The following ZNF695 variants were observed in gnomAD, a reference collection of about 807,000 sequenced individuals.
ZNF695 encodes the protein zinc finger protein SBZF3.
Under a neutral mutation model 11.2 loss-of-function variants are expected in ZNF695, and 11 were observed. That is an observed-to-expected ratio of 0.98 (90% confidence interval 0.62 to 1.62). The LOEUF (loss-of-function observed/expected upper bound fraction) is 1.62. Ranked by LOEUF, ZNF695 falls within the 40% of genes most tolerant of loss-of-function variation. The pLI, the probability that ZNF695 is intolerant of heterozygous loss-of-function variation, is 0.00. For synonymous variants in ZNF695, 190 were observed against 201.4 expected (o/e 0.94, Z 0.48); for missense variants, 559 against 590.5 (o/e 0.95, Z 0.55).
At chr1:247,000,779 T>C (rs970411675) in intron 1 of ZNF695, among the ~76,000 whole-genome samples, 4 of 152,212 alleles carry the variant, frequency 2.6e-5, no homozygotes, top group Non-Finnish European at 5.9e-5. Flanking sequence ...AGGAATCTTG[T>C]TAAAATGCAG....
intron 5 of ZNF695, among the ~76,000 whole-genome samples, chr1:246,957,680 G>T (rs1668035458): frequency 6.6e-6 from 1 of 152,006 alleles, no homozygotes; most frequent in South Asian, 2.1e-4. Flanking sequence ...AGCTTGCCCA[G>T]GCTGGAGTGC....
At position 246,985,900 on chromosome 1, in the gene ZNF695, A is replaced by G. The variant is rs1668833916; in HGVS notation, c.*1067T>C. 1 of 985,330 alleles carries G rather than the reference A, an allele frequency of 1.0e-6. No homozygotes were observed. The highest frequency in any genetic ancestry group is 1.2e-6 in the Non-Finnish European group (1 of 829,946). 61.0% of individuals were successfully genotyped at this position (985,330 alleles called of 1,614,324 possible). A position where few individuals can be genotyped will look rare whatever the true frequency, so the allele number is the denominator to read the frequency against. On this transcript the variant is annotated 3_prime_UTR_variant, in exon 4 of 4. Coordinates refer to ENST00000339986, the MANE Select transcript of ZNF695 (RefSeq NM_020394.5). Reference sequence around the variant, plus strand: ...GGATATGAACAACACCCACCCGAATATAGAAGAAACTCTCACAGCTTTCAT... The same window carrying G: ...GGATATGAACAACACCCACCCGAATGTAGAAGAAACTCTCACAGCTTTCAT...
chr1:247,003,328 G>A (rs1412404187), intron 1 of ZNF695, among the ~76,000 whole-genome samples: 2 of 152,154 alleles, frequency 1.3e-5, no homozygotes, highest in Non-Finnish European at 2.9e-5. Context: ...AATGCTGCTG[G>A]ATAATTTAAT....
At chr1:246,991,258 A>C (rs76918123) in intron 3 of ZNF695, among the ~76,000 whole-genome samples, 1,904 of 151,224 alleles carry the variant, frequency 0.013, 40 homozygotes, top group African/African-American at 0.044. Flanking sequence ...ACAGACAACC[A>C]AAAAAAAATG....
At chr1:246,971,495 G>T (rs1276683473) in intron 4 of ZNF695, among the ~76,000 whole-genome samples, 2 of 152,088 alleles carry the variant, frequency 1.3e-5, no homozygotes, top group African/African-American at 2.4e-5. Flanking sequence ...TTCCTGGTCT[G>T]CTAAGTAACG....
At position 246,993,391 on chromosome 1, in the gene ZNF695, A is replaced by G. The variant is rs192514381; in HGVS notation, c.260-5136T>C. ...CACTGAACTCCAGCCTGGGAGACAG[A>G]GTGAGAGACTCTGTCTCAAAAAACA... is the stretch of plus-strand genomic sequence containing the variant. On this transcript the variant is annotated intron_variant, in intron 3 of 3. Coordinates refer to ENST00000339986, the MANE Select transcript of ZNF695 (RefSeq NM_020394.5). Among the ~76,000 whole-genome samples the G allele has an allele frequency of 1.5e-3, 230 of 152,232 alleles. 1 individual carries two copies. The highest frequency in any genetic ancestry group is 5.4e-3 in the African/African-American group (223 of 41,540).
downstream of ZNF695, among the ~76,000 whole-genome samples, chr1:246,982,917 T>C (rs1235335926): frequency 6.6e-6 from 1 of 152,072 alleles, no homozygotes; most frequent in African/African-American, 2.4e-5. Context: ...TAAAAACAAT[T>C]TTCTGGCCGG....
intron 5 of ZNF695, among the ~76,000 whole-genome samples, chr1:246,962,106 G>A (rs1668177595): frequency 6.6e-6 from 1 of 152,242 alleles, no homozygotes; most frequent in South Asian, 2.1e-4. Flanking sequence ...GCGGCAGGAA[G>A]CCACAAAGCC....
intron 3 of ZNF695, among the ~76,000 whole-genome samples, chr1:246,989,643 A>C (rs1316573945): frequency 6.6e-6 from 1 of 152,234 alleles, no homozygotes; most frequent in Non-Finnish European, 1.5e-5. Context: ...TTGAATGTAA[A>C]TGGAGTAAAT....
Position 246,948,481 on chromosome 1 carries a change from G to A in ZNF695, c.489-2654C>T, listed in dbSNP as rs1268929157. Among the ~76,000 whole-genome samples the A allele has an allele frequency of 4.6e-5, 7 of 152,230 alleles. No individual in the cohort carries two copies. In the East Asian group the frequency reaches 1.2e-3, roughly 25 times the overall value. ...TGCACCAGAAAATAAAATGAGCCAC[G>A]CCACTCAACACACTACTTAACTTGG... On this transcript the variant is annotated intron_variant, in intron 5 of 5. Coordinates refer to the ZNF695 transcript ENST00000487338.
chr1:246,998,557 GGT>G (rs1474733426), intron 3 of ZNF695, among the ~76,000 whole-genome samples: 1 of 152,084 alleles, frequency 6.6e-6, no homozygotes, highest in Non-Finnish European at 1.5e-5. Flanking sequence ...ATCTCCACAG[GGT>G]AAGTCATAAA....
chr1:246,961,055 CT>C (rs1668151036), intron 5 of ZNF695, among the ~76,000 whole-genome samples: 1 of 152,160 alleles, frequency 6.6e-6, no homozygotes, highest in South Asian at 2.1e-4. Flanking sequence ...GGTGGGCTTC[CT>C]GACTTGATTC....
At chr1:246,949,257 T>C (rs1171890522) in intron 5 of ZNF695, among the ~76,000 whole-genome samples, 2 of 152,164 alleles carry the variant, frequency 1.3e-5, no homozygotes, top group African/African-American at 2.4e-5. Flanking sequence ...TCAATCCATT[T>C]ATGTTGGATC....
chr1:246,966,664 T>C (rs540500480), intron 5 of ZNF695, among the ~76,000 whole-genome samples: 2 of 152,170 alleles, frequency 1.3e-5, no homozygotes, highest in South Asian at 4.1e-4. Context: ...CACATTCTTG[T>C]AGTACTAGCT....
intron 1 of ZNF695, among the ~76,000 whole-genome samples, chr1:247,002,316 AAAGATACCGCATCCCAG>A (rs1669410519): frequency 6.6e-6 from 1 of 152,212 alleles, no homozygotes; most frequent in Admixed American, 6.5e-5. Context: ...TAATAAAAAA[AAAGATACCGCATCCCAG>A]AATCTCTTGG....
At chr1:246,973,408 C>A (rs1040728419) in intron 4 of ZNF695, among the ~76,000 whole-genome samples, 8 of 152,150 alleles carry the variant, frequency 5.3e-5, no homozygotes, top group Non-Finnish European at 1.0e-4. Flanking sequence ...ATGGTTCCAA[C>A]AAATAAGGAG....
intron 5 of ZNF695, among the ~76,000 whole-genome samples, chr1:246,962,157 G>A (rs1668178383): frequency 6.6e-6 from 1 of 152,232 alleles, no homozygotes; most frequent in Admixed American, 6.5e-5. Context: ...GCTAGGCTTG[G>A]TCTTTCCTAA....
intron 5 of ZNF695, among the ~76,000 whole-genome samples, chr1:246,946,335 T>TTTGGAA (rs1667734026): frequency 6.6e-6 from 1 of 152,108 alleles, no homozygotes; most frequent in African/African-American, 2.4e-5. Context: ...CCAAAGCCTT[T>TTTGGAA]GCCTGTTCTT....
At chr1:246,951,275 G>A (rs1441063690) in intron 5 of ZNF695, among the ~76,000 whole-genome samples, 2 of 152,130 alleles carry the variant, frequency 1.3e-5, no homozygotes, top group African/African-American at 2.4e-5. Flanking sequence ...ACCTTTTTCG[G>A]AAATAGAGGC....
Sources: allele counts gnomAD v4.1 joint callset (sites outside exome capture counted in the v4.1 genomes callset), GRCh38; gene constraint gnomAD v4.1.1; transcripts MANE v1.5; gene names NCBI Gene and HGNC (gene_info 2026-07-23, HGNC 2026-07-21).